Variants in ATP13A2 observed in about 807,000 individuals in gnomAD.
ATP13A2 encodes the protein ATPase cation transporting 13A2.
A neutral mutation model predicts 138.3 loss-of-function variants in ATP13A2; 83 were observed. The ratio of observed to expected loss-of-function variants is 0.60; its 90% confidence interval spans 0.50 to 0.72. The LOEUF is 0.72. ATP13A2 is among the 30% of genes least tolerant of loss of function. The probability of loss-of-function intolerance (pLI) is 0.00; values close to 1 mark genes in which losing one functional copy is unlikely to be tolerated. For synonymous variants in ATP13A2, 663 were observed against 699.0 expected (o/e 0.95, Z 0.81); for missense variants, 1,402 against 1,606.4 (o/e 0.87, Z 2.17).
At chr1:17,003,535 C>A (rs1034697300) in intron 6 of ATP13A2, among the ~76,000 whole-genome samples, 6 of 149,710 alleles carry the variant, frequency 4.0e-5, no homozygotes, top group Non-Finnish European at 7.4e-5. Flanking sequence ...CCAGCCCGGG[C>A]AACAAGAGTG....
In ATP13A2 at chr1:16,986,134, G is replaced by A; in HGVS notation, c.*87C>T. Reference sequence around the variant, plus strand: ...GTCGCCAACCTCAGGGATGTGGGAGGTGGTGGCGGTGGTGTTGCTGGAGAG... The same window carrying A: ...GTCGCCAACCTCAGGGATGTGGGAGATGGTGGCGGTGGTGTTGCTGGAGAG... On this transcript the variant is annotated 3_prime_UTR_variant, in exon 29 of 29. Transcript: ENST00000326735. The surrounding 1 kb of genome is among the most constrained non-coding windows in gnomAD (Gnocchi z 6.9). 1 of 1,597,852 alleles carries A rather than the reference G, an allele frequency of 6.3e-7. No individual in the cohort carries two copies. Among genetic ancestry groups the A allele is most frequent in the East Asian group, 2.3e-5 (1 of 44,262 alleles).
chr1:16,990,064 G>C, intron 21 of ATP13A2, 61 bp from the exon 22 acceptor site: 1 of 1,613,800 alleles, frequency 6.2e-7, no homozygotes, highest in Non-Finnish European at 8.5e-7. Flanking sequence ...TGGGGCCTGG[G>C]TCAGGTGACA....
chr1:17,000,730 A>T lies in ATP13A2; in HGVS notation c.706-196T>A, dbSNP rs941200979. On this transcript the variant is annotated intron_variant, in intron 8 of 28. Transcript: ENST00000326735. Reference sequence around the variant, plus strand: ...CCTCAGTTTCTCCGCTCTAAAGAGGACAAGGGTTTATGACCAGCCTGGGCA... The same window carrying T: ...CCTCAGTTTCTCCGCTCTAAAGAGGTCAAGGGTTTATGACCAGCCTGGGCA... 16 of 691,474 alleles carry T rather than the reference A, an allele frequency of 2.3e-5. No individual in the cohort carries two copies. In the African/African-American group the frequency reaches 2.3e-4, roughly 10 times the overall value. 42.8% of individuals were successfully genotyped at this position (691,474 alleles called of 1,614,324 possible).
At chr1:17,006,250 GT>G (rs896252913) in intron 1 of ATP13A2, among the ~76,000 whole-genome samples, 32 of 136,384 alleles carry the variant, frequency 2.3e-4, no homozygotes, top group African/African-American at 8.7e-4. Context: ...CTTACTTACC[GT>G]ATCTTTTTTT....
rs934766287 is a variant in ATP13A2, at chr1:17,011,164, T to C, written c.10+565A>G. Among the ~76,000 whole-genome samples, 6 of 151,678 alleles carry C rather than the reference T, an allele frequency of 4.0e-5. No homozygotes were observed. Among genetic ancestry groups the C allele is most frequent in the African/African-American group, 1.5e-4 (6 of 41,262 alleles). ...CGTAGGACATCTGGCCAGGGATGGG[T>C]TGCATGGAGGGTGTGGCCCTTGGCC... On this transcript the variant is annotated intron_variant, in intron 1 of 28. Transcript: ENST00000326735. The surrounding 1 kb of genome is among the most constrained non-coding windows in gnomAD (Gnocchi z 7.3).
At position 16,986,335 on chromosome 1, in the gene ATP13A2, G is replaced by A. The variant is rs377703085; in HGVS notation, c.3429C>T (p.Pro1143=). ...MLESVLDQCL[P]ACLRRLRPKR... is the part of the protein sequence containing the mutation. ...TGGGCCGGAGGCGGCGCAGGCAGGC[G>A]GGGAGGCACTGGTCTAGCACGCTCT... The change falls in exon 29 of 29, where the codon CCC becomes CCT. Residue 1143 remains proline, a synonymous_variant. Transcript: ENST00000326735. This position sits in a 1 kb window ranked among gnomAD's most constrained non-coding sequence, Gnocchi z 6.9. The A allele has an allele frequency of 5.8e-4, 917 of 1,580,702 alleles. No individual in the cohort carries two copies. The highest frequency in any genetic ancestry group is 7.5e-4 in the Non-Finnish European group (872 of 1,165,424).
In ATP13A2 at chr1:16,996,418, C is replaced by T. The variant is rs1460533270; in HGVS notation, c.1274G>A (p.Ser425Asn). ...RPINFKFYKH[S>N]MKFVAALSVL... is the part of the protein sequence containing the mutation. ...AGAGAGGGCAGCCACAAACTTCATGCTGTGTTTATAGAACTTGAAGTTGAT... is the reference window on the plus strand; with the variant it reads ...AGAGAGGGCAGCCACAAACTTCATGTTGTGTTTATAGAACTTGAAGTTGAT... The change falls in exon 13 of 29, where the codon AGC (serine) becomes AAC (asparagine). Residue 425 changes from serine to asparagine, a missense_variant. Physicochemically the swap from Ser to Asn is conservative, Grantham distance 46. Transcript: ENST00000326735. 6.2e-7 allele frequency: 1 copy of T among 1,613,984 alleles called. No individual in the cohort carries two copies. Among genetic ancestry groups the T allele is most frequent in the Admixed American group, 1.7e-5 (1 of 59,992 alleles).
In ATP13A2 at chr1:17,005,705, G is replaced by C; in HGVS notation, c.84C>G (p.Leu28=). The C allele has an allele frequency of 1.9e-6, 3 of 1,613,946 alleles. No individual in the cohort carries two copies. The highest frequency in any genetic ancestry group is 2.5e-6 in the Non-Finnish European group (3 of 1,179,916). The part of the protein sequence containing the change: ...TLTIGTSIDP[L]SSSVSSVRLS... The stretch of plus-strand genomic sequence containing the variant: ...TTACCACGGATGAAACTGAGGAGCT[G>C]AGGGGATCTATTGATGTCCCTATCG... Residue 28 remains leucine, a synonymous_variant, in exon 2 of 29, where the codon CTC becomes CTG. Transcript: ENST00000326735.
At chr1:16,993,983 T>C in intron 15 of ATP13A2, 148 bp from the exon 16 acceptor site, 1 of 679,486 alleles carries the variant, frequency 1.5e-6, no homozygotes, top group Admixed American at 3.0e-5. Flanking sequence ...TTGACTGCTG[T>C]CCTTGGCACA....
At chr1:17,005,218 C>A in intron 3 of ATP13A2, 146 bp from the exon 4 acceptor site, 1 of 1,447,116 alleles carries the variant, frequency 6.9e-7, no homozygotes. Flanking sequence ...TCCCTTCTGC[C>A]CAATGCTCAG....
chr1:17,004,264 C>T lies in ATP13A2; in HGVS notation c.557+68G>A. Reference sequence around the variant, plus strand: ...AGAGGGGAGCCCAGGCCATGCCATGCCACCGTCTGTGCCCAAACCAGTGCC... The same window carrying T: ...AGAGGGGAGCCCAGGCCATGCCATGTCACCGTCTGTGCCCAAACCAGTGCC... On this transcript the variant is annotated intron_variant, in intron 6 of 28. Transcript: ENST00000326735. The surrounding 1 kb of genome is among the most constrained non-coding windows in gnomAD (Gnocchi z 4.1). The T allele has an allele frequency of 6.6e-7, 1 of 1,518,766 alleles. No individual in the cohort carries two copies. The highest frequency in any genetic ancestry group is 9.0e-7 in the Non-Finnish European group (1 of 1,107,078). The allele number at this position is 1,518,766 out of a possible 1,614,324, so 94.1% of individuals were successfully genotyped here.
At position 17,011,559 on chromosome 1, in the gene ATP13A2, G is replaced by C. The variant is rs1467437070; in HGVS notation, c.10+170C>G. On this transcript the variant is annotated intron_variant, in intron 1 of 28. Coordinates refer to ENST00000326735, the MANE Select transcript of ATP13A2 (RefSeq NM_022089.4). The surrounding 1 kb of genome is among the most constrained non-coding windows in gnomAD (Gnocchi z 7.3). ...GTCTCTGGGAAGAAACCGGGGCCGA[G>C]TCCCCGTCAAAAGGGAGGGGACGGG... 6.6e-6 allele frequency among the ~76,000 whole-genome samples: 1 copy of C among 152,162 alleles called. No homozygotes were observed. Among genetic ancestry groups the C allele is most frequent in the Non-Finnish European group, 1.5e-5 (1 of 68,000 alleles).
At chr1:17,008,166 A>T (rs770971256) in intron 1 of ATP13A2, among the ~76,000 whole-genome samples, 12 of 150,992 alleles carry the variant, frequency 7.9e-5, no homozygotes, top group Non-Finnish European at 5.9e-5. Flanking sequence ...TTTTTTTGAG[A>T]CAGTCTCTCT....
At chr1:16,990,963 T>G (rs559458075) in intron 20 of ATP13A2, among the ~76,000 whole-genome samples, 10 of 152,004 alleles carry the variant, frequency 6.6e-5, no homozygotes, top group South Asian at 4.1e-4. Context: ...AATCTTTTTT[T>G]TTTTGAGACT....
intron 11 of ATP13A2, 96 bp from the exon 12 acceptor site, chr1:16,997,271 T>A: frequency 6.9e-7 from 1 of 1,449,706 alleles, no homozygotes. Context: ...GCTCTAAGTC[T>A]CAGTTAACTC....
At chr1:17,007,283 C>A (rs1269504037) in intron 1 of ATP13A2, among the ~76,000 whole-genome samples, 1 of 152,154 alleles carries the variant, frequency 6.6e-6, no homozygotes, top group Non-Finnish European at 1.5e-5. Context: ...AGCTCACCAG[C>A]CCCACCCTTG....
rs2077497006 is a variant in ATP13A2 at position 17,004,979 on chromosome 1, G to A, written c.347+35C>T. 6.2e-7 allele frequency: 1 copy of A among 1,613,278 alleles called. No individual in the cohort carries two copies. Among genetic ancestry groups the A allele is most frequent in the Non-Finnish European group, 8.5e-7 (1 of 1,179,910 alleles). ...GGAAGTTGGGGAGGCCAGGGTAGCA[G>A]GGGCTTCTGGGAAGGGGCAATGGGG... On this transcript the variant is annotated intron_variant, in intron 4 of 28. Coordinates refer to ENST00000326735, the MANE Select transcript of ATP13A2 (RefSeq NM_022089.4). This position sits in a 1 kb window ranked among gnomAD's most constrained non-coding sequence, Gnocchi z 4.1.
In ATP13A2 at chr1:16,997,417, G is replaced by C. The variant is rs9435664; in HGVS notation, c.1040-242C>G. ...GCAGCCAGCTCCCTGGAACCAGCGG[G>C]GGGGGGTGGGTCAGACAGAGCATGT... On this transcript the variant is annotated intron_variant, in intron 11 of 28. Transcript: ENST00000326735. Among the ~76,000 whole-genome samples, 1,749 of 141,454 alleles carry C rather than the reference G, an allele frequency of 0.012. 255 individuals are homozygous for C. The highest frequency in any genetic ancestry group is 0.042 in the African/African-American group (1,620 of 38,468). 92.8% of individuals were successfully genotyped at this position (141,454 alleles called of 152,430 possible).
At position 16,986,998 on chromosome 1, in the gene ATP13A2, G is replaced by A. The variant is rs1220727159; in HGVS notation, c.3084-42C>T. ...GGGGGTCAGGGAACGAACGTGGGGT[G>A]GACAGGGAAGGGGCGGGATGGGGGT... is the stretch of plus-strand genomic sequence containing the variant. On this transcript the variant is annotated intron_variant, in intron 26 of 28. Transcript: ENST00000326735. The surrounding 1 kb of genome is among the most constrained non-coding windows in gnomAD (Gnocchi z 6.9). The A allele has an allele frequency of 1.9e-6, 3 of 1,613,408 alleles. No homozygotes were observed. The highest frequency in any genetic ancestry group is 2.5e-6 in the Non-Finnish European group (3 of 1,179,762).
Sources: gnomAD v4.1 joint callset for allele counts (sites outside exome capture counted in the v4.1 genomes callset) on GRCh38, gnomAD v4.1.1 for gene constraint, Gnocchi (gnomAD v3.1) non-coding constraint, MANE v1.5 for transcripts, NCBI Gene and HGNC (gene_info 2026-07-23, HGNC 2026-07-21) for gene names.